Variants in NCAPG2 observed in about 807,000 individuals in gnomAD.
The protein encoded by NCAPG2 is non-SMC condensin II complex subunit G2.
In NCAPG2, 53 loss-of-function variants were observed where a neutral mutation model predicts 141.1. The ratio of observed to expected loss-of-function variants is 0.38; its 90% CI spans 0.30 to 0.47. The LOEUF (loss-of-function observed/expected upper bound fraction) is 0.47. Among genes scored for constraint, NCAPG2 ranks in the 20% least tolerant of loss-of-function variants. The pLI is 0.99. For synonymous variants in NCAPG2, 499 were observed against 490.7 expected (o/e 1.02, Z -0.22); for missense variants, 1,087 against 1,389.0 (o/e 0.78, Z 3.46).
At position 158,652,459 on chromosome 7, in the gene NCAPG2, G is replaced by C. The variant is rs749651397; in HGVS notation, c.2768C>G (p.Ser923Ter). Reference sequence around the variant, plus strand: ...CTCTTTCAGAATGTCAAGAAGTAATGAAACATAAAAAAATCCCTTCACTAG... The same window carrying C: ...CTCTTTCAGAATGTCAAGAAGTAATCAAACATAAAAAAATCCCTTCACTAG... Reference protein sequence around the residue: ...MQTVKGFFYVSLLLDILKEIT... With the variant: ...MQTVKGFFYV The change falls in exon 23 of 28, where the codon TCA (serine) becomes TGA (stop). Residue 923 changes from serine (S) to a stop codon, truncating the protein, a stop_gained. Coordinates refer to ENST00000356309, the MANE Select transcript of NCAPG2 (RefSeq NM_017760.7). LOFTEE classifies it high-confidence loss of function. 6.3e-7 allele frequency: 1 copy of C among 1,598,178 alleles called. No individual in the cohort carries two copies. Among genetic ancestry groups the C allele is most frequent in the Admixed American group, 1.8e-5 (1 of 54,856 alleles).
intron 4 of NCAPG2, among the ~76,000 whole-genome samples, chr7:158,692,070 C>G (rs1835150356): frequency 6.6e-6 from 1 of 152,156 alleles, no homozygotes; most frequent in Non-Finnish European, 1.5e-5. Flanking sequence ...TTTGCCAGGG[C>G]AAGGTGGGAG....
intron 27 of NCAPG2, among the ~76,000 whole-genome samples, chr7:158,637,010 T>G (rs185040355): frequency 2.6e-5 from 4 of 151,304 alleles, no homozygotes; most frequent in South Asian, 2.1e-4. Context: ...TGCAGTGGTG[T>G]GATCTTGGCT....
intron 12 of NCAPG2, among the ~76,000 whole-genome samples, chr7:158,672,621 G>GT (rs1178292274): frequency 1.3e-5 from 2 of 151,948 alleles, no homozygotes; most frequent in African/African-American, 2.4e-5. Flanking sequence ...GACTACAGGC[G>GT]TGAGCCATCA....
intron 22 of NCAPG2, among the ~76,000 whole-genome samples, chr7:158,653,592 G>C (rs1831666101): frequency 6.6e-6 from 1 of 152,028 alleles, no homozygotes; most frequent in Non-Finnish European, 1.5e-5. Context: ...GATACACTGG[G>C]GGTGTCCACA....
intron 27 of NCAPG2, among the ~76,000 whole-genome samples, chr7:158,641,709 G>C (rs150865423): frequency 0.011 from 1,672 of 152,278 alleles, 10 homozygotes; most frequent in South Asian, 0.023. Context: ...ATAATGAAAA[G>C]ATGGTAACAA....
intron 2 of NCAPG2, among the ~76,000 whole-genome samples, chr7:158,701,088 C>A (rs928745326): frequency 7.2e-5 from 11 of 152,198 alleles, no homozygotes; most frequent in Non-Finnish European, 1.5e-5. Context: ...TCCCTTGAAT[C>A]TGCCCTCTTC....
intron 16 of NCAPG2, among the ~76,000 whole-genome samples, chr7:158,658,857 A>T (rs7800868): frequency 9.2e-5 from 14 of 152,100 alleles, no homozygotes; most frequent in Non-Finnish European, 2.1e-4. Flanking sequence ...ACAAAATCAG[A>T]ATATCTTTAG....
Position 158,658,379 on chromosome 7 carries a change from C to T in NCAPG2, c.2019G>A (p.Met673Ile). The T allele has an allele frequency of 6.2e-7, 1 of 1,612,020 alleles. No homozygotes were observed. Among genetic ancestry groups the T allele is most frequent in the South Asian group, 1.1e-5 (1 of 90,738 alleles). The change falls in exon 17 of 28, where the codon ATG becomes ATA. Residue 673 changes from methionine (M) to isoleucine (I), a missense_variant. By Grantham distance (10) the Met-to-Ile change is conservative (BLOSUM62 1). Coordinates refer to ENST00000356309, the MANE Select transcript of NCAPG2 (RefSeq NM_017760.7). ...CAGAGGCCGGCATAAAGGACATTAG[C>T]ATGAATAAAGGGATCTTGCAGCGAT... ...KDDRCKIPLF[M>I]LMSFMPASAV...
intron 15 of NCAPG2, among the ~76,000 whole-genome samples, chr7:158,663,215 G>T (rs1832661149): frequency 6.6e-6 from 1 of 152,198 alleles, no homozygotes; most frequent in Non-Finnish European, 1.5e-5. Flanking sequence ...GAGAAGCCCT[G>T]AGAGAAGAAA....
Position 158,658,402 on chromosome 7 carries a change from G to A in NCAPG2, c.1996C>T (p.Arg666Cys), listed in dbSNP as rs374249671. Residue 666 changes from arginine (R) to cysteine (C), a missense_variant, in exon 17 of 28, where the codon CGC becomes TGC. Transcript: ENST00000356309. ...PEYLKVFKDD[R>C]CKIPLFMLMS... ...AGCATGAATAAAGGGATCTTGCAGC[G>A]ATCATCCTAAAAGCGAAAAAAGAAA... 7.9e-5 allele frequency: 127 copies of A among 1,609,364 alleles called. No individual in the cohort carries two copies. Among genetic ancestry groups the A allele is most frequent in the Non-Finnish European group, 1.0e-4 (120 of 1,177,554 alleles).
intron 8 of NCAPG2, among the ~76,000 whole-genome samples, chr7:158,683,867 A>C (rs1834592884): frequency 6.6e-6 from 1 of 152,236 alleles, no homozygotes; most frequent in Non-Finnish European, 1.5e-5. Flanking sequence ...GGGCTGAGCA[A>C]GGAAGGTGTG....
At chr7:158,652,964 G>A (rs944425512) in intron 22 of NCAPG2, among the ~76,000 whole-genome samples, 1 of 152,098 alleles carries the variant, frequency 6.6e-6, no homozygotes, top group African/African-American at 2.4e-5. Context: ...TGGTCCTTAC[G>A]GGAAAATAAT....
At chr7:158,697,555 G>A (rs976252401) in intron 2 of NCAPG2, among the ~76,000 whole-genome samples, 1 of 150,078 alleles carries the variant, frequency 6.7e-6, no homozygotes, top group Non-Finnish European at 1.5e-5. Flanking sequence ...GAGCCAAGAC[G>A]ACGCCACTGC....
chr7:158,648,496 T>TTA (rs1554551592), intron 24 of NCAPG2, among the ~76,000 whole-genome samples: 2 of 106,536 alleles, frequency 1.9e-5, no homozygotes, highest in Non-Finnish European at 4.0e-5. Flanking sequence ...TCAAATGGAC[T>TTA]AAAAAAAAAA....
intron 2 of NCAPG2, among the ~76,000 whole-genome samples, chr7:158,697,470 G>A (rs531070472): frequency 3.9e-5 from 6 of 152,212 alleles, no homozygotes; most frequent in South Asian, 2.1e-4. Flanking sequence ...GTGTGGTGGC[G>A]TGTGCCTGTA....
chr7:158,645,535 G>A lies in NCAPG2; in HGVS notation c.3264C>T (p.Ile1088=). Residue 1088 remains isoleucine, a synonymous_variant, in exon 26 of 28, where the codon ATC becomes ATT. Coordinates refer to ENST00000356309, the MANE Select transcript of NCAPG2 (RefSeq NM_017760.7). ...IVCLTAAVHI[I]LVINAGKHKS... ...GTAACCAACCTGCATTAATAACCAGGATAATATGCACAGCAGCCGTGAGGC... is the reference window on the plus strand; with the variant it reads ...GTAACCAACCTGCATTAATAACCAGAATAATATGCACAGCAGCCGTGAGGC... The A allele has an allele frequency of 1.9e-6, 3 of 1,614,020 alleles. No homozygotes were observed. The highest frequency in any genetic ancestry group is 1.7e-6 in the Non-Finnish European group (2 of 1,179,920).
At position 158,652,384 on chromosome 7, in the gene NCAPG2, G is replaced by C. The variant is rs1475127154; in HGVS notation, c.2843C>G (p.Ala948Gly). The C allele has an allele frequency of 1.2e-6, 2 of 1,613,654 alleles. No homozygotes were observed. Among genetic ancestry groups the C allele is most frequent in the South Asian group, 2.2e-5 (2 of 91,000 alleles). Residue 948 changes from alanine (A) to glycine (G), a missense_variant, in exon 23 of 28, where the codon GCA (alanine) becomes GGA (glycine). Ala to Gly is a moderately conservative substitution (Grantham distance 60). Transcript: ENST00000356309. ...IQKTDSDEEVAMLLDTVQKVF... is the reference protein window; with the variant it reads ...IQKTDSDEEVGMLLDTVQKVF... ...TTTCTGGACTGTGTCCAACAGCATTGCAACTTCTTCATCTGAATCTGTTTT... is the reference window on the plus strand; with the variant it reads ...TTTCTGGACTGTGTCCAACAGCATTCCAACTTCTTCATCTGAATCTGTTTT...
intron 24 of NCAPG2, among the ~76,000 whole-genome samples, chr7:158,646,817 C>A (rs1488337411): frequency 6.6e-6 from 1 of 152,118 alleles, no homozygotes; most frequent in Non-Finnish European, 1.5e-5. Flanking sequence ...TGCTTGAGGT[C>A]AGGAGTTCAA....
At chr7:158,683,881 G>C (rs1834594608) in intron 8 of NCAPG2, among the ~76,000 whole-genome samples, 1 of 152,208 alleles carries the variant, frequency 6.6e-6, no homozygotes, top group African/African-American at 2.4e-5. Context: ...AGGTGTGTGG[G>C]AAGCCCTTCA....
Sources: gnomAD v4.1 joint callset for allele counts (sites outside exome capture counted in the v4.1 genomes callset) on GRCh38, gnomAD v4.1.1 for gene constraint, MANE v1.5 for transcripts, NCBI Gene and HGNC (gene_info 2026-07-23, HGNC 2026-07-21) for gene names.